The following NARS2 variants were observed in gnomAD, a reference collection of about 807,000 sequenced individuals.
The protein encoded by NARS2 is asparaginyl-tRNA synthetase 2, mitochondrial, also known as asparaginyl-tRNA synthetase.
Under a neutral mutation model 62.9 loss-of-function variants are expected in NARS2, and 60 were observed. That is an observed-to-expected ratio of 0.95 (90% CI 0.77 to 1.18). The LOEUF (loss-of-function observed/expected upper bound fraction) is 1.18. Among genes scored for constraint, NARS2 ranks in the 50% most tolerant of loss-of-function variants. The probability of loss-of-function intolerance (pLI) is 0.00; values close to 1 mark genes in which losing one functional copy is unlikely to be tolerated. For synonymous variants in NARS2, 196 were observed against 200.0 expected, an observed-to-expected ratio of 0.98 and a Z score of 0.17; for missense variants, 619 against 576.4, an observed-to-expected ratio of 1.07 and a Z score of -0.76.
At chr11:78,494,808 AAAAC>A (rs1015854980) in intron 6 of NARS2, among the ~76,000 whole-genome samples, 3 of 152,216 alleles carry the variant, frequency 2.0e-5, no homozygotes, top group African/African-American at 4.8e-5. Flanking sequence ...CCTGTTCCCC[AAAAC>A]AAACAAAAGA....
At chr11:78,535,173 T>C (rs1246024838) in intron 5 of NARS2, among the ~76,000 whole-genome samples, 4 of 152,222 alleles carry the variant, frequency 2.6e-5, no homozygotes, top group Admixed American at 1.3e-4. Flanking sequence ...TTGTACATTG[T>C]GGCAGATAGT....
At position 78,443,653 on chromosome 11, in the gene NARS2, A is replaced by C; in HGVS notation, c.1262+8T>G. ...CTCAATTGTGTTTCTTTTAGGTCTG[A>C]CCAGTACCTGGCTAAGCGCTCCTCT... On this transcript the variant is annotated splice_region_variant and intron_variant, in intron 12 of 13. Transcript: ENST00000281038. The C allele has an allele frequency of 6.2e-7, 1 of 1,600,422 alleles. No homozygotes were observed. Among genetic ancestry groups the C allele is most frequent in the Non-Finnish European group, 8.6e-7 (1 of 1,167,898 alleles).
Position 78,574,829 on chromosome 11 carries a change from C to T in NARS2, c.-341G>A, listed in dbSNP as rs1427606829. On this transcript the variant is annotated 5_prime_UTR_variant, in exon 1 of 14. Coordinates refer to ENST00000281038, the MANE Select transcript of NARS2 (RefSeq NM_024678.6). ...CCGCAACACGCGCAACCACTCCTAC[C>T]ACACCACGCCAACGCCGCTTACGTC... 5 of 287,194 alleles carry T rather than the reference C, an allele frequency of 1.7e-5. No homozygotes were observed. The highest frequency in any genetic ancestry group is 2.0e-5 in the Non-Finnish European group (3 of 151,836). 17.8% of individuals were successfully genotyped at this position (287,194 alleles called of 1,614,324 possible).
intron 4 of NARS2, among the ~76,000 whole-genome samples, chr11:78,565,161 T>G (rs1856701823): frequency 6.6e-6 from 1 of 152,196 alleles, no homozygotes; most frequent in African/African-American, 2.4e-5. Flanking sequence ...AACTGTGGCT[T>G]TCCCAGGTAG....
chr11:78,529,114 TA>T (rs1861395177), intron 5 of NARS2, among the ~76,000 whole-genome samples, 178 bp from the exon 6 acceptor site: 1 of 152,222 alleles, frequency 6.6e-6, no homozygotes, highest in African/African-American at 2.4e-5. Flanking sequence ...TGGAAAGTGC[TA>T]ATAAAGGCAA....
At chr11:78,569,375 G>A (rs552673811) in intron 2 of NARS2, among the ~76,000 whole-genome samples, 8 of 152,156 alleles carry the variant, frequency 5.3e-5, no homozygotes, top group Admixed American at 6.5e-5. Flanking sequence ...GGCTGGTCTC[G>A]AACACCTGGG....
chr11:78,540,400 T>C (rs1401220895), intron 5 of NARS2, among the ~76,000 whole-genome samples: 1 of 152,250 alleles, frequency 6.6e-6, no homozygotes, highest in Non-Finnish European at 1.5e-5. Context: ...AGTCCGACTC[T>C]GTCTCCATGT....
intron 7 of NARS2, among the ~76,000 whole-genome samples, chr11:78,487,381 AAAAG>A (rs1386536517): frequency 2.0e-5 from 3 of 151,660 alleles, no homozygotes; most frequent in Admixed American, 6.6e-5. Flanking sequence ...GAAAGAAAGA[AAAAG>A]AGAGAGAGAG....
At chr11:78,474,653 G>GT (rs1297309638) in intron 9 of NARS2, among the ~76,000 whole-genome samples, 1 of 152,150 alleles carries the variant, frequency 6.6e-6, no homozygotes, top group Non-Finnish European at 1.5e-5. Context: ...CAATTACTCA[G>GT]TATTTACTGA....
chr11:78,438,323 C>G (rs986327904), intron 13 of NARS2, among the ~76,000 whole-genome samples: 1 of 152,090 alleles, frequency 6.6e-6, no homozygotes, highest in African/African-American at 2.4e-5. Flanking sequence ...GAGGCACATT[C>G]AGTTATTCAG....
Position 78,464,249 on chromosome 11 carries a change from GGTGA to G in NARS2, c.1164+1623_1164+1626del, listed in dbSNP as rs530825616. 1.3e-3 allele frequency among the ~76,000 whole-genome samples: 203 copies of G among 152,192 alleles called. 1 individual carries two copies. The highest frequency in any genetic ancestry group is 4.6e-3 in the African/African-American group (191 of 41,512). The stretch of plus-strand genomic sequence containing the variant: ...CAGGAGTGAAGCTGCAGATCTTCGC[GGTGA>G]GTGTTACAGCTCATAAAGGCAGTGT... On this transcript the variant is annotated intron_variant, in intron 11 of 13. Coordinates refer to ENST00000281038, the MANE Select transcript of NARS2 (RefSeq NM_024678.6).
intron 6 of NARS2, among the ~76,000 whole-genome samples, chr11:78,527,161 G>C (rs1861323182): frequency 6.6e-6 from 1 of 152,186 alleles, no homozygotes; most frequent in Non-Finnish European, 1.5e-5. Flanking sequence ...ACATTAACCA[G>C]TTTATAACTG....
At chr11:78,545,597 T>G (rs1175574623) in intron 5 of NARS2, among the ~76,000 whole-genome samples, 1 of 149,610 alleles carries the variant, frequency 6.7e-6, no homozygotes, top group Admixed American at 6.7e-5. Context: ...TGATCTCGGC[T>G]CACTGCAACC....
chr11:78,550,988 C>T (rs755956138), intron 5 of NARS2, among the ~76,000 whole-genome samples: 6 of 152,130 alleles, frequency 3.9e-5, no homozygotes, highest in African/African-American at 1.4e-4. Context: ...ATACATTGTA[C>T]GATTCCATTT....
intron 11 of NARS2, among the ~76,000 whole-genome samples, chr11:78,453,985 G>C (rs1858062621): frequency 6.6e-6 from 1 of 152,320 alleles, no homozygotes; most frequent in South Asian, 2.1e-4. Flanking sequence ...TCCCAAACAT[G>C]TATTCCCTTT....
At chr11:78,463,867 C>T (rs1486389416) in intron 11 of NARS2, among the ~76,000 whole-genome samples, 1 of 152,076 alleles carries the variant, frequency 6.6e-6, no homozygotes, top group African/African-American at 2.4e-5. Context: ...CCTCCCCTCA[C>T]TATTTCTATT....
chr11:78,507,524 T>TC (rs1860549850), intron 6 of NARS2, among the ~76,000 whole-genome samples: 1 of 147,484 alleles, frequency 6.8e-6, no homozygotes, highest in African/African-American at 2.5e-5. Flanking sequence ...CTTTTATTCT[T>TC]TTTTTTTTTT....
intron 6 of NARS2, among the ~76,000 whole-genome samples, chr11:78,500,530 G>A (rs1408942277): frequency 6.6e-6 from 1 of 152,024 alleles, no homozygotes; most frequent in African/African-American, 2.4e-5. Context: ...CTGGGGTGCA[G>A]TGGCACAAAC....
intron 5 of NARS2, among the ~76,000 whole-genome samples, chr11:78,539,716 T>G (rs1308305304): frequency 6.6e-6 from 1 of 152,198 alleles, no homozygotes; most frequent in Non-Finnish European, 1.5e-5. Context: ...ATGATGATAG[T>G]GTTCCCTAGA....
Sources: allele counts gnomAD v4.1 joint callset (sites outside exome capture counted in the v4.1 genomes callset), GRCh38; gene constraint gnomAD v4.1.1; transcripts MANE v1.5; gene names NCBI Gene and HGNC (gene_info 2026-07-23, HGNC 2026-07-21).